Variants in LIMD1 observed in about 807,000 individuals in gnomAD.
The protein encoded by LIMD1 is LIM domain-containing protein 1.
Under a neutral mutation model 58.4 loss-of-function variants are expected in LIMD1, and 23 were observed. The ratio of observed to expected loss-of-function variants is 0.39; its 90% CI spans 0.28 to 0.56. The LOEUF (loss-of-function observed/expected upper bound fraction) is 0.56. Ranked by LOEUF, LIMD1 falls within the 20% of genes least tolerant of loss-of-function variation. The pLI is 0.57. For missense variants in LIMD1, 838 were observed against 855.5 expected (o/e 0.98, Z 0.25); for synonymous variants, 334 against 345.5 (o/e 0.97, Z 0.37).
chr3:45,658,150 A>C (rs1575362651), intron 2 of LIMD1, among the ~76,000 whole-genome samples: 1 of 152,258 alleles, frequency 6.6e-6, no homozygotes, highest in East Asian at 1.9e-4. Context: ...TCTCCCACTC[A>C]GAATACAAAC....
chr3:45,658,405 T>A (rs909060375), intron 2 of LIMD1, among the ~76,000 whole-genome samples: 1 of 152,144 alleles, frequency 6.6e-6, no homozygotes, highest in East Asian at 1.9e-4. Context: ...AGAGGACTTA[T>A]CTAGCCAGCT....
chr3:45,600,106 C>G (rs1290372231), intron 1 of LIMD1, among the ~76,000 whole-genome samples: 1 of 152,172 alleles, frequency 6.6e-6, no homozygotes, highest in Non-Finnish European at 1.5e-5. Context: ...ATTTTGTCTA[C>G]CCAACACGCT....
At chr3:45,616,581 C>T (rs1701578199) in intron 1 of LIMD1, among the ~76,000 whole-genome samples, 1 of 34 alleles carries the variant, frequency 0.029, no homozygotes, top group South Asian at 0.5. Flanking sequence ...GTGTGCTGCA[C>T]CCGGGTCCCC....
chr3:45,607,304 C>A (rs1701477547), intron 1 of LIMD1, among the ~76,000 whole-genome samples: 1 of 152,130 alleles, frequency 6.6e-6, no homozygotes, highest in East Asian at 1.9e-4. Flanking sequence ...CGGGGTCACA[C>A]GGGAAGGCAG....
Position 45,594,791 on chromosome 3 carries a change from A to ACACACACACACACACACACACACACACCC in LIMD1, c.-62_-61insCCCACACACACACACACACACACACACAC. 1.2e-5 allele frequency: 1 copy of ACACACACACACACACACACACACACACCC among 86,044 alleles called. No individual in the cohort carries two copies. The highest frequency in any genetic ancestry group is 1.9e-5 in the Non-Finnish European group (1 of 51,974). 5.3% of individuals were successfully genotyped at this position (86,044 alleles called of 1,614,324 possible). A position where few individuals can be genotyped will look rare whatever the true frequency, so the allele number is the denominator to read the frequency against. On this transcript the variant is annotated 5_prime_UTR_variant, in exon 1 of 8. Transcript: ENST00000273317. The stretch of plus-strand genomic sequence containing the variant: ...CCCGCTGCCCTCAACACACACACAC[A>ACACACACACACACACACACACACACACCC]CACACACACACACACACACACACAC...
intron 1 of LIMD1, among the ~76,000 whole-genome samples, chr3:45,602,415 G>A (rs1701424439): frequency 1.3e-5 from 2 of 152,114 alleles, no homozygotes; most frequent in African/African-American, 4.8e-5. Context: ...CAGGTTCCAG[G>A]GTCTCCTGTA....
chr3:45,664,447 A>G (rs900668816), intron 2 of LIMD1, among the ~76,000 whole-genome samples: 1 of 152,196 alleles, frequency 6.6e-6, no homozygotes, highest in South Asian at 2.1e-4. Flanking sequence ...TGACTTAGCT[A>G]TATCTTCAAG....
At chr3:45,601,333 C>G (rs1262401725) in intron 1 of LIMD1, among the ~76,000 whole-genome samples, 1 of 152,182 alleles carries the variant, frequency 6.6e-6, no homozygotes, top group Non-Finnish European at 1.5e-5. Flanking sequence ...CACACTCCCT[C>G]ATGGATCAGC....
chr3:45,625,759 TAAG>T (rs1200977108), intron 1 of LIMD1, among the ~76,000 whole-genome samples: 1 of 152,218 alleles, frequency 6.6e-6, no homozygotes, highest in African/African-American at 2.4e-5. Flanking sequence ...CATGATGCAG[TAAG>T]AAGGCCCTTG....
rs1241929180 is a variant in LIMD1, at chr3:45,684,077, A to C, written c.*7018A>C. On this transcript the variant is annotated 3_prime_UTR_variant, in exon 8 of 8. Transcript: ENST00000273317. ...GAGACCTTGTACTCTAGGTGTAAAA[A>C]AACAGAGTAGGTCATACTCTGTGGG... 1 of 145,776 alleles carries C rather than the reference A, an allele frequency of 6.9e-6. No homozygotes were observed. Among genetic ancestry groups the C allele is most frequent in the Non-Finnish European group, 1.5e-5 (1 of 66,788 alleles). The allele number at this position is 145,776 out of a possible 1,614,324, so 9.0% of individuals were successfully genotyped here. A position where few individuals can be genotyped will look rare whatever the true frequency, so the allele number is the denominator to read the frequency against.
intron 4 of LIMD1, among the ~76,000 whole-genome samples, chr3:45,669,534 A>G (rs1575367073): frequency 6.6e-6 from 1 of 152,206 alleles, no homozygotes; most frequent in Admixed American, 6.5e-5. Context: ...ATCAAGATAT[A>G]GAACACTTCC....
chr3:45,617,543 T>A (rs1701587422), intron 1 of LIMD1, among the ~76,000 whole-genome samples: 1 of 152,192 alleles, frequency 6.6e-6, no homozygotes, highest in African/African-American at 2.4e-5. Flanking sequence ...GCCAGGTGTC[T>A]ACCTGCTCCA....
At chr3:45,607,684 C>G (rs1308482270) in intron 1 of LIMD1, among the ~76,000 whole-genome samples, 1 of 92,754 alleles carries the variant, frequency 1.1e-5, no homozygotes, top group Non-Finnish European at 2.7e-5. Context: ...TAAGGCACCC[C>G]TCTTAGCAGG....
chr3:45,675,436 G>A (rs565008494), intron 7 of LIMD1, among the ~76,000 whole-genome samples: 1 of 152,156 alleles, frequency 6.6e-6, no homozygotes, highest in African/African-American at 2.4e-5. Context: ...AGCTGAGACA[G>A]GAGAATTGCT....
At position 45,595,337 on chromosome 3, in the gene LIMD1, G is replaced by A. The variant is rs568017907; in HGVS notation, c.458G>A (p.Ser153Asn). 49 of 1,613,602 alleles carry A rather than the reference G, an allele frequency of 3.0e-5. 1 individual carries two copies. In the South Asian group the frequency reaches 5.2e-4, roughly 17 times the overall value. The change falls in exon 1 of 8, where the codon AGC (serine) becomes AAC (asparagine). Residue 153 changes from serine to asparagine, a missense_variant. Transcript: ENST00000273317. ...HGSQDCGSRESLATSEMSAFH... is the reference protein window; with the variant it reads ...HGSQDCGSRENLATSEMSAFH... ...AGCCAGGACTGTGGTTCCAGGGAGA[G>A]CCTGGCGACTTCTGAGATGTCTGCT...
chr3:45,600,721 T>C (rs1701404318), intron 1 of LIMD1, among the ~76,000 whole-genome samples: 1 of 152,174 alleles, frequency 6.6e-6, no homozygotes, highest in Non-Finnish European at 1.5e-5. Flanking sequence ...GTCTCCTCCA[T>C]GTGATCCACC....
chr3:45,673,883 C>T (rs1423854492), intron 6 of LIMD1: 2 of 252,322 alleles, frequency 7.9e-6, no homozygotes, highest in Non-Finnish European at 1.5e-5. Flanking sequence ...AAGACCTTGT[C>T]TCCAAAAAAA....
chr3:45,659,788 C>A (rs1359491992), intron 2 of LIMD1, among the ~76,000 whole-genome samples: 5 of 152,136 alleles, frequency 3.3e-5, no homozygotes, highest in African/African-American at 1.2e-4. Context: ...TTTTAAAATT[C>A]TTTCCCAAAG....
chr3:45,606,329 CAAA>C, intron 1 of LIMD1, among the ~76,000 whole-genome samples: 1 of 152,136 alleles, frequency 6.6e-6, no homozygotes, highest in East Asian at 1.9e-4. Flanking sequence ...TCCTTTCTAA[CAAA>C]GAAGAAACTT....
Sources: allele counts gnomAD v4.1 joint callset (sites outside exome capture counted in the v4.1 genomes callset), GRCh38; gene constraint gnomAD v4.1.1; transcripts MANE v1.5; gene names NCBI Gene and HGNC (gene_info 2026-07-23, HGNC 2026-07-21).